Variants in MOB2 observed in about 807,000 individuals in gnomAD.
MOB2 encodes MOB kinase activator 2.
Under a neutral mutation model 27.4 loss-of-function variants are expected in MOB2, and 14 were observed. That is an observed-to-expected ratio of 0.51 (90% CI 0.34 to 0.80). The LOEUF is 0.80. Among genes scored for constraint, MOB2 ranks in the 30% least tolerant of loss-of-function variants. The pLI, the probability that MOB2 is intolerant of heterozygous loss-of-function variation, is 0.01. For missense variants in MOB2, 304 were observed against 354.6 expected (o/e 0.86, Z 1.15); for synonymous variants, 167 against 151.8 (o/e 1.10, Z -0.74).
chr11:1,479,801 C>T (rs539678602), intron 3 of MOB2, among the ~76,000 whole-genome samples: 1 of 152,350 alleles, frequency 6.6e-6, no homozygotes, highest in Non-Finnish European at 1.5e-5. Context: ...CCCAGCAGAC[C>T]CAGCCTCCTC....
intron 3 of MOB2, among the ~76,000 whole-genome samples, chr11:1,477,286 CCTT>C (rs1278309526): frequency 2.0e-5 from 3 of 152,170 alleles, no homozygotes; most frequent in African/African-American, 4.8e-5. Flanking sequence ...AATTAGATAA[CCTT>C]CTTATTCCTG....
chr11:1,484,358 A>G (rs1445283045), intron 1 of MOB2, among the ~76,000 whole-genome samples: 1 of 152,162 alleles, frequency 6.6e-6, no homozygotes, highest in Non-Finnish European at 1.5e-5. Flanking sequence ...AAAGGCCCGC[A>G]GGTGACGCCT....
chr11:1,480,594 C>T, intron 2 of MOB2, 108 bp from the exon 3 acceptor site: 1 of 1,530,796 alleles, frequency 6.5e-7, no homozygotes, highest in African/African-American at 1.4e-5. Context: ...TGAGCTCTGC[C>T]CGTCCACGGG....
chr11:1,480,631 C>T (rs983786080), intron 2 of MOB2, 94 bp downstream of exon 2: 728 of 1,533,034 alleles, frequency 4.7e-4, no homozygotes, highest in Non-Finnish European at 5.7e-4. Context: ...CGGCAGGGGG[C>T]TGCTGAGCAC....
At chr11:1,471,751 G>A (rs369196816) in intron 3 of MOB2, 15 of 249,132 alleles carry the variant, frequency 6.0e-5, no homozygotes, top group South Asian at 3.2e-4. Flanking sequence ...AGTTGTATTC[G>A]TTTACACAAG....
rs529516833 is a variant in MOB2 at position 1,484,157 on chromosome 11, C to T, written c.110+2290G>A. Among the ~76,000 whole-genome samples, 77 of 152,324 alleles carry T rather than the reference C, an allele frequency of 5.1e-4. 1 individual carries two copies. Among genetic ancestry groups the T allele is most frequent in the African/African-American group, 1.8e-3 (75 of 41,578 alleles). On this transcript the variant is annotated intron_variant, in intron 1 of 4. Coordinates refer to ENST00000329957, the MANE Select transcript of MOB2 (RefSeq NM_001172223.3). ...CTCAGAGACCCCCACTCGCCCAGAGCACGCTTGCTATGGAAGTCGAGCCTG... is the reference window on the plus strand; with the variant it reads ...CTCAGAGACCCCCACTCGCCCAGAGTACGCTTGCTATGGAAGTCGAGCCTG...
Position 1,486,560 on chromosome 11 carries a change from T to A in MOB2, c.-4A>T. ...GACTGCAGTGGTCTCCCAGCATGAG[T>A]GGGCGACGGGAAGGTGGGGAGGAGA... On this transcript the variant is annotated 5_prime_UTR_variant, in exon 1 of 5. Transcript: ENST00000329957. 6.5e-7 allele frequency: 1 copy of A among 1,532,686 alleles called. No homozygotes were observed. The highest frequency in any genetic ancestry group is 8.7e-7 in the Non-Finnish European group (1 of 1,144,298). 94.9% of individuals were successfully genotyped at this position (1,532,686 alleles called of 1,614,324 possible).
rs1265620374 is a variant in MOB2 at position 1,469,809 on chromosome 11, C to T, written c.*363G>A. ...ACCCAGGTCTGCAAATCACACCCTC[C>T]CCCCACGAGTTCCTCCTTTGAGGCC... is the stretch of plus-strand genomic sequence containing the variant. On this transcript the variant is annotated 3_prime_UTR_variant, in exon 5 of 5. Transcript: ENST00000329957. 1.9e-6 allele frequency: 1 copy of T among 523,380 alleles called. No homozygotes were observed. The highest frequency in any genetic ancestry group is 3.7e-6 in the Non-Finnish European group (1 of 271,000). The allele number at this position is 523,380 out of a possible 1,614,324, so 32.4% of individuals were successfully genotyped here.
chr11:1,486,406 G>A (rs981364573), intron 1 of MOB2, 41 bp downstream of exon 1: 5 of 1,438,010 alleles, frequency 3.5e-6, no homozygotes, highest in Non-Finnish European at 3.8e-6. Context: ...GCAGACAGAT[G>A]TGCTACACAC....
chr11:1,479,318 T>A (rs1416707514), intron 3 of MOB2, among the ~76,000 whole-genome samples: 3 of 152,074 alleles, frequency 2.0e-5, no homozygotes, highest in East Asian at 3.9e-4. Context: ...AGGACCCATC[T>A]CCATGCCTGA....
Position 1,469,850 on chromosome 11 carries a change from A to C in MOB2, c.*322T>G, listed in dbSNP as rs1847757756. The C allele has an allele frequency of 1.2e-5, 7 of 602,654 alleles. No individual in the cohort carries two copies. Among genetic ancestry groups the C allele is most frequent in the Non-Finnish European group, 1.9e-5 (6 of 324,190 alleles). 37.3% of individuals were successfully genotyped at this position (602,654 alleles called of 1,614,324 possible). A position where few individuals can be genotyped will look rare whatever the true frequency, so the allele number is the denominator to read the frequency against. ...CTTTGAGGCCAGCAGCACCCGAGGG[A>C]GGGCAGGGGCTGCACGGAGACCAGA... is the stretch of plus-strand genomic sequence containing the variant. On this transcript the variant is annotated 3_prime_UTR_variant, in exon 5 of 5. Coordinates refer to ENST00000329957, the MANE Select transcript of MOB2 (RefSeq NM_001172223.3).
rs758509024 is a variant in MOB2, at chr11:1,469,816, G to A, written c.*356C>T. 38 of 533,104 alleles carry A rather than the reference G, an allele frequency of 7.1e-5. No individual in the cohort carries two copies. Among genetic ancestry groups the A allele is most frequent in the Non-Finnish European group, 9.7e-5 (27 of 277,264 alleles). The allele number at this position is 533,104 out of a possible 1,614,324, so 33.0% of individuals were successfully genotyped here. A position where few individuals can be genotyped will look rare whatever the true frequency, so the allele number is the denominator to read the frequency against. On this transcript the variant is annotated 3_prime_UTR_variant, in exon 5 of 5. Transcript: ENST00000329957. ...TCTGCAAATCACACCCTCCCCCCAC[G>A]AGTTCCTCCTTTGAGGCCAGCAGCA...
At position 1,470,282 on chromosome 11, in the gene MOB2, C is replaced by T. The variant is rs1564907662; in HGVS notation, c.697G>A (p.Asp233Asn). The change falls in exon 5 of 5, where the codon GAC becomes AAC. Residue 233 changes from aspartate to asparagine, a missense_variant. Asp to Asn is a conservative substitution (Grantham distance 23, BLOSUM62 1). Transcript: ENST00000329957. ...LDPKETAIMD[D>N]LTEVLCSGAG... ...CCGCTGCATAGCACCTCGGTGAGGT[C>T]GTCCATGATGGCGGTCTCTTTGGGG... 8 of 1,613,024 alleles carry T rather than the reference C, an allele frequency of 5.0e-6. No homozygotes were observed. The highest frequency in any genetic ancestry group is 1.7e-5 in the Admixed American group (1 of 60,010).
intron 3 of MOB2, 92 bp from the exon 4 acceptor site, chr11:1,471,511 G>C (rs1402875901): frequency 4.6e-6 from 7 of 1,513,046 alleles, no homozygotes; most frequent in Non-Finnish European, 6.2e-6. Flanking sequence ...GCGGGCAGAG[G>C]TGGCGCCAGC....
intron 4 of MOB2, among the ~76,000 whole-genome samples, chr11:1,470,719 G>C (rs544254172): frequency 1.3e-5 from 2 of 152,220 alleles, no homozygotes; most frequent in Admixed American, 1.3e-4. Context: ...CTCAGGCTCC[G>C]GAGGCTGCAC....
intron 3 of MOB2, among the ~76,000 whole-genome samples, chr11:1,475,063 C>T (rs561157499): frequency 2.0e-5 from 3 of 152,316 alleles, no homozygotes; most frequent in South Asian, 2.1e-4. Flanking sequence ...AAACGCAGTG[C>T]GTCTCTCCAT....
At chr11:1,484,909 C>A (rs187988869) in intron 1 of MOB2, among the ~76,000 whole-genome samples, 4 of 152,180 alleles carry the variant, frequency 2.6e-5, no homozygotes, top group East Asian at 3.9e-4. Context: ...GTCTGCCCCC[C>A]CAAACAGGTC....
chr11:1,471,467 C>T (rs757102235), intron 3 of MOB2, 48 bp from the exon 4 acceptor site: 2 of 1,572,726 alleles, frequency 1.3e-6, no homozygotes, highest in East Asian at 2.3e-5. Flanking sequence ...TGCACACCCA[C>T]CCAGCCACTG....
chr11:1,476,302 G>A (rs1372862075), intron 3 of MOB2, among the ~76,000 whole-genome samples: 2 of 152,202 alleles, frequency 1.3e-5, no homozygotes, highest in African/African-American at 4.8e-5. Flanking sequence ...TTATGGCACT[G>A]CCTATCTTAG....
Sources: gnomAD v4.1 joint callset for allele counts (sites outside exome capture counted in the v4.1 genomes callset) on GRCh38, gnomAD v4.1.1 for gene constraint, MANE v1.5 for transcripts, NCBI Gene and HGNC (gene_info 2026-07-23, HGNC 2026-07-21) for gene names.